The following CYRIA variants were observed in gnomAD, a reference collection of about 807,000 sequenced individuals.
The protein encoded by CYRIA is CYFIP-related Rac1 interactor A.
A neutral mutation model predicts 43.9 loss-of-function variants in CYRIA; 15 were observed. The ratio of observed to expected loss-of-function variants is 0.34; its 90% CI spans 0.23 to 0.53. CYRIA has a LOEUF of 0.53. Among genes scored for constraint, CYRIA ranks in the 20% least tolerant of loss-of-function variants. The pLI is 0.94. For synonymous variants in CYRIA, 117 were observed against 136.0 expected (o/e 0.86, Z 0.97); for missense variants, 236 against 394.2 (o/e 0.60, Z 3.40).
intron 11 of CYRIA, among the ~76,000 whole-genome samples, chr2:16,554,185 T>C (rs760166295): frequency 3.3e-5 from 5 of 152,132 alleles, no homozygotes; most frequent in African/African-American, 4.8e-5. Context: ...AGGTAGAGCA[T>C]TATTGATCCA....
intron 2 of CYRIA, 57 bp from the exon 3 acceptor site, chr2:16,588,186 C>G: frequency 8.5e-7 from 1 of 1,173,192 alleles, no homozygotes; most frequent in Non-Finnish European, 1.2e-6. Flanking sequence ...AATAGACTTG[C>G]GTGAATATCC....
intron 1 of CYRIA, among the ~76,000 whole-genome samples, chr2:16,656,257 C>T (rs1331046612): frequency 6.6e-6 from 1 of 152,066 alleles, no homozygotes; most frequent in East Asian, 1.9e-4. Flanking sequence ...TACCTATACA[C>T]ACACAGCTAT....
At chr2:16,554,394 AT>A (rs1368685320) in intron 11 of CYRIA, among the ~76,000 whole-genome samples, 1 of 152,164 alleles carries the variant, frequency 6.6e-6, no homozygotes, top group African/African-American at 2.4e-5. Context: ...TCTGAAATGG[AT>A]TAAGCACATG....
At chr2:16,641,621 G>C (rs560934792) in intron 1 of CYRIA, among the ~76,000 whole-genome samples, 9 of 152,206 alleles carry the variant, frequency 5.9e-5, no homozygotes, top group Non-Finnish European at 1.2e-4. Flanking sequence ...TCTGAGGGTA[G>C]AAAAATACCA....
At chr2:16,608,679 T>C (rs1668490533) in intron 2 of CYRIA, among the ~76,000 whole-genome samples, 1 of 151,648 alleles carries the variant, frequency 6.6e-6, no homozygotes, top group South Asian at 2.1e-4. Flanking sequence ...GTAAGTAAGA[T>C]AATGCAGGTA....
In CYRIA at chr2:16,552,700, G is replaced by A. The variant is rs78495239; in HGVS notation, c.*236C>T. On this transcript the variant is annotated 3_prime_UTR_variant, in exon 12 of 12. Coordinates refer to ENST00000381323, the MANE Select transcript of CYRIA (RefSeq NM_030797.4). ...TCCAGTAGCAAAGATCAAAGTCTCCGAATTTTGCCTTTGGAGAAGGGGGTT... is the reference window on the plus strand; with the variant it reads ...TCCAGTAGCAAAGATCAAAGTCTCCAAATTTTGCCTTTGGAGAAGGGGGTT... 4,299 of 464,880 alleles carry A rather than the reference G, an allele frequency of 9.2e-3. 33 individuals carry two copies. The highest frequency in any genetic ancestry group is 0.017 in the Middle Eastern group (30 of 1,804). The allele number at this position is 464,880 out of a possible 1,614,324, so 28.8% of individuals were successfully genotyped here.
intron 1 of CYRIA, among the ~76,000 whole-genome samples, chr2:16,631,027 C>T (rs1025324981): frequency 3.9e-5 from 6 of 152,162 alleles, no homozygotes; most frequent in African/African-American, 9.7e-5. Flanking sequence ...GGTCTTGACC[C>T]GGGTCTACCC....
At chr2:16,630,537 T>G (rs1669297764) in intron 1 of CYRIA, among the ~76,000 whole-genome samples, 1 of 152,156 alleles carries the variant, frequency 6.6e-6, no homozygotes, top group Non-Finnish European at 1.5e-5. Context: ...GCACCCATGT[T>G]CAGGGCAGGA....
intron 2 of CYRIA, among the ~76,000 whole-genome samples, chr2:16,602,490 T>C (rs1280794437): frequency 2.0e-5 from 3 of 152,090 alleles, no homozygotes; most frequent in Non-Finnish European, 2.9e-5. Context: ...AGTATGAACA[T>C]ATGTCAAAGG....
intron 1 of CYRIA, among the ~76,000 whole-genome samples, chr2:16,633,543 CTTTTTTTTTT>C (rs755223919): frequency 1.1e-4 from 10 of 92,320 alleles, no homozygotes; most frequent in Non-Finnish European, 1.7e-4. Flanking sequence ...CTATCCCTGG[CTTTTTTTTTT>C]TTTTTTTTTT....
At chr2:16,600,020 T>G (rs1453971749) in intron 2 of CYRIA, among the ~76,000 whole-genome samples, 1 of 152,194 alleles carries the variant, frequency 6.6e-6, no homozygotes, top group Admixed American at 6.5e-5. Flanking sequence ...TCTCCCAAAG[T>G]GCTGGGATTA....
chr2:16,634,740 G>A (rs1420766975), intron 1 of CYRIA, among the ~76,000 whole-genome samples: 1 of 152,144 alleles, frequency 6.6e-6, no homozygotes, highest in Non-Finnish European at 1.5e-5. Flanking sequence ...TGGACTTGGG[G>A]GCATTCTGAG....
At position 16,635,665 on chromosome 2, in the gene CYRIA, G is replaced by A. The variant is rs185691538; in HGVS notation, c.-166-11646C>T. ...TGGGAGGGTAGTGAAAAGACACGGT[G>A]TGAAGTTCTAGCCCTGGAGACTCAG... is the stretch of plus-strand genomic sequence containing the variant. On this transcript the variant is annotated intron_variant, in intron 1 of 11. Coordinates refer to ENST00000381323, the MANE Select transcript of CYRIA (RefSeq NM_030797.4). Among the ~76,000 whole-genome samples the A allele has an allele frequency of 1.1e-4, 17 of 152,288 alleles. No individual in the cohort carries two copies. The East Asian group carries it at 2.7e-3, about 24-fold the overall frequency.
chr2:16,615,204 C>T (rs892316525), intron 2 of CYRIA, among the ~76,000 whole-genome samples: 6 of 152,184 alleles, frequency 3.9e-5, no homozygotes, highest in African/African-American at 1.4e-4. Context: ...CTGCTGAACG[C>T]AAGTCTATGT....
chr2:16,635,208 G>T (rs760515984), intron 1 of CYRIA, among the ~76,000 whole-genome samples: 1 of 152,140 alleles, frequency 6.6e-6, no homozygotes, highest in Non-Finnish European at 1.5e-5. Context: ...ATCCTATCAC[G>T]CACAGGAAAG....
intron 1 of CYRIA, among the ~76,000 whole-genome samples, chr2:16,634,243 G>T (rs905242429): frequency 2.0e-5 from 3 of 152,186 alleles, no homozygotes; most frequent in African/African-American, 7.2e-5. Flanking sequence ...TTCTCCTTTT[G>T]CAGGTGTGGA....
chr2:16,608,656 G>T (rs1383207863), intron 2 of CYRIA, among the ~76,000 whole-genome samples: 1 of 142,322 alleles, frequency 7.0e-6, no homozygotes, highest in African/African-American at 2.7e-5. Flanking sequence ...TCCCTTTTTA[G>T]TATTGTTACT....
At chr2:16,665,534 C>T (rs1188276755) in intron 1 of CYRIA, among the ~76,000 whole-genome samples, 1 of 152,048 alleles carries the variant, frequency 6.6e-6, no homozygotes, top group East Asian at 1.9e-4. Flanking sequence ...AGGCAGCCCT[C>T]TCAGAAAGAG....
intron 3 of CYRIA, among the ~76,000 whole-genome samples, chr2:16,568,227 G>GAA (rs71400699): frequency 0.041 from 3,623 of 88,622 alleles, 169 homozygotes; most frequent in African/African-American, 0.12. Flanking sequence ...TTCAAAATCA[G>GAA]AAAAAAAAAA....
Sources: gnomAD v4.1 joint callset for allele counts (sites outside exome capture counted in the v4.1 genomes callset) on GRCh38, gnomAD v4.1.1 for gene constraint, MANE v1.5 for transcripts, NCBI Gene and HGNC (gene_info 2026-07-23, HGNC 2026-07-21) for gene names.